The following IRAG1 variants were observed in gnomAD, a reference collection of about 807,000 sequenced individuals.
The protein encoded by IRAG1 is inositol 1,4,5-triphosphate receptor associated 1.
IRAG1 carries 62 observed loss-of-function variants against 106.2 expected under a neutral mutation model. That is an observed-to-expected ratio of 0.58 (90% confidence interval 0.48 to 0.72). The LOEUF is 0.72. IRAG1 is among the 30% of genes least tolerant of loss of function. The pLI is 0.00. For missense variants in IRAG1, 1,064 were observed against 1,140.7 expected, an observed-to-expected ratio of 0.93 and a Z score of 0.97; for synonymous variants, 462 against 443.9, an observed-to-expected ratio of 1.04 and a Z score of -0.51.
At chr11:10,599,310 G>A (rs1199786093) in intron 15 of IRAG1, among the ~76,000 whole-genome samples, 1 of 152,196 alleles carries the variant, frequency 6.6e-6, no homozygotes, top group Admixed American at 6.5e-5. Flanking sequence ...CTCAATAAAT[G>A]TCTGTAGAAT....
At chr11:10,692,761 A>T (rs59433293) in intron 1 of IRAG1, among the ~76,000 whole-genome samples, 72 of 152,334 alleles carry the variant, frequency 4.7e-4, no homozygotes, top group Non-Finnish European at 4.3e-4. Flanking sequence ...CAGAGCCTCT[A>T]TAGCCTTTAC....
chr11:10,672,024 A>G (rs1384257634), intron 1 of IRAG1, among the ~76,000 whole-genome samples: 1 of 152,230 alleles, frequency 6.6e-6, no homozygotes, highest in African/African-American at 2.4e-5. Context: ...AATGCAACAG[A>G]CTTGAGAGTT....
At chr11:10,580,918 C>T (rs1316959970) in intron 19 of IRAG1, among the ~76,000 whole-genome samples, 1 of 152,124 alleles carries the variant, frequency 6.6e-6, no homozygotes, top group Non-Finnish European at 1.5e-5. Flanking sequence ...TCCATGTGAC[C>T]GTGGAGCTTC....
intron 18 of IRAG1, among the ~76,000 whole-genome samples, chr11:10,584,879 A>G (rs1450549547): frequency 6.6e-6 from 1 of 152,086 alleles, no homozygotes; most frequent in Non-Finnish European, 1.5e-5. Context: ...AACAAATTAT[A>G]TCTGCTATTA....
chr11:10,577,119 GATAA>G (rs1178855715), intron 20 of IRAG1, among the ~76,000 whole-genome samples: 1 of 152,156 alleles, frequency 6.6e-6, no homozygotes, highest in Non-Finnish European at 1.5e-5. Flanking sequence ...GATATCCAGT[GATAA>G]ATGACAAGGG....
intron 1 of IRAG1, among the ~76,000 whole-genome samples, chr11:10,666,281 C>T (rs1425149): frequency 0.22 from 33,396 of 152,072 alleles, 5,028 homozygotes; most frequent in East Asian, 0.81. Flanking sequence ...CTGCATGGTA[C>T]GATTATTCCC....
At chr11:10,690,826 G>A (rs549537456) in intron 1 of IRAG1, among the ~76,000 whole-genome samples, 1 of 152,164 alleles carries the variant, frequency 6.6e-6, no homozygotes, top group African/African-American at 2.4e-5. Context: ...CAAAGTAGAA[G>A]CTCAATTAAT....
At chr11:10,612,629 A>C (rs779888979) in intron 10 of IRAG1, among the ~76,000 whole-genome samples, 2 of 152,150 alleles carry the variant, frequency 1.3e-5, no homozygotes, top group Non-Finnish European at 2.9e-5. Flanking sequence ...CATGGCAACT[A>C]TACAAAAATA....
At chr11:10,622,363 A>G (rs914974491) in intron 10 of IRAG1, among the ~76,000 whole-genome samples, 1 of 152,174 alleles carries the variant, frequency 6.6e-6, no homozygotes, top group African/African-American at 2.4e-5. Flanking sequence ...GGAAGAGGGA[A>G]GAGCCAGGAG....
intron 9 of IRAG1, 136 bp from the exon 10 acceptor site, chr11:10,623,992 A>G: frequency 1.3e-6 from 1 of 743,870 alleles, no homozygotes; most frequent in East Asian, 2.7e-5. Context: ...GTGGGCAGGC[A>G]TGGCATGGTG....
intron 1 of IRAG1, among the ~76,000 whole-genome samples, chr11:10,693,132 C>CAG (rs1217412493): frequency 1.3e-5 from 2 of 152,012 alleles, no homozygotes; most frequent in East Asian, 3.9e-4. Context: ...CGTAGGGGGA[C>CAG]AGAGAGAGAG....
chr11:10,628,131 G>T lies in IRAG1; in HGVS notation c.653-106C>A. The T allele has an allele frequency of 7.8e-7, 1 of 1,283,664 alleles. No homozygotes were observed. The highest frequency in any genetic ancestry group is 1.1e-6 in the Non-Finnish European group (1 of 899,844). 79.5% of individuals were successfully genotyped at this position (1,283,664 alleles called of 1,614,324 possible). A position where few individuals can be genotyped will look rare whatever the true frequency, so the allele number is the denominator to read the frequency against. On this transcript the variant is annotated intron_variant, in intron 6 of 20. Transcript: ENST00000423302. This position sits in a 1 kb window ranked among gnomAD's most constrained non-coding sequence, Gnocchi z 4.1. ...GGCTATCCTCCCTTTGCAATCTCAG[G>T]CCTGGAAGATTTGCTGACTACCTCC... is the stretch of plus-strand genomic sequence containing the variant.
chr11:10,669,496 C>G lies in IRAG1; in HGVS notation c.68-17314G>C, dbSNP rs79867401. On this transcript the variant is annotated intron_variant, in intron 1 of 20. Transcript: ENST00000423302. ...CATTCCCTGTCCTCCCCAGCAAATA[C>G]AGCGACTCATTTCTACTGCCTTTTC... 9.2e-3 allele frequency among the ~76,000 whole-genome samples: 1,403 copies of G among 152,332 alleles called. 23 individuals are homozygous for G. Among genetic ancestry groups the G allele is most frequent in the African/African-American group, 0.032 (1,350 of 41,568 alleles).
At chr11:10,619,100 A>G (rs1337211265) in intron 10 of IRAG1, among the ~76,000 whole-genome samples, 1 of 152,188 alleles carries the variant, frequency 6.6e-6, no homozygotes, top group Non-Finnish European at 1.5e-5. Context: ...CACACAGCCT[A>G]AGAACTGGCC....
intron 1 of IRAG1, among the ~76,000 whole-genome samples, chr11:10,675,553 C>T (rs775747397): frequency 2.6e-5 from 4 of 152,148 alleles, no homozygotes; most frequent in Non-Finnish European, 5.9e-5. Context: ...ACCTGAGGAA[C>T]CCTGAGCCTC....
chr11:10,654,058 CA>C, intron 1 of IRAG1, among the ~76,000 whole-genome samples: 1 of 152,272 alleles, frequency 6.6e-6, no homozygotes, highest in East Asian at 1.9e-4. Context: ...AACTGTGTTC[CA>C]GGTCCTCTGG....
intron 1 of IRAG1, chr11:10,690,434 A>C (rs947370680): frequency 7.8e-7 from 1 of 1,279,056 alleles, no homozygotes; most frequent in Non-Finnish European, 1.0e-6. Flanking sequence ...CCCTTGGAGA[A>C]AGCCCTTGCA....
Position 10,665,224 on chromosome 11 carries a change from T to C in IRAG1, c.68-13042A>G, listed in dbSNP as rs1277751914. ...CTAAGTTATTCCCTAACTTAGAATA[T>C]CACCATGCCCTTTTCCTCAGAACCT... is the stretch of plus-strand genomic sequence containing the variant. On this transcript the variant is annotated intron_variant, in intron 1 of 20. Coordinates refer to ENST00000423302, the MANE Select transcript of IRAG1 (RefSeq NM_130385.4). This position sits in a 1 kb window ranked among gnomAD's most constrained non-coding sequence, Gnocchi z 4.2. Among the ~76,000 whole-genome samples the C allele has an allele frequency of 6.6e-6, 1 of 152,164 alleles. No homozygotes were observed. The highest frequency in any genetic ancestry group is 1.5e-5 in the Non-Finnish European group (1 of 68,020).
At position 10,627,704 on chromosome 11, in the gene IRAG1, G is replaced by A; in HGVS notation, c.750+12C>T. The stretch of plus-strand genomic sequence containing the variant: ...ACTCAAATCATCCAAAGGGAGCAAA[G>A]CTCAAACTCACAGGCTCGCCAGGGT... On this transcript the variant is annotated intron_variant, in intron 8 of 20. Transcript: ENST00000423302. The A allele has an allele frequency of 6.2e-7, 1 of 1,613,984 alleles. No individual in the cohort carries two copies. The highest frequency in any genetic ancestry group is 8.5e-7 in the Non-Finnish European group (1 of 1,179,872).
Sources: allele counts gnomAD v4.1 joint callset (sites outside exome capture counted in the v4.1 genomes callset), GRCh38; gene constraint gnomAD v4.1.1; non-coding constraint Gnocchi (gnomAD v3.1); transcripts MANE v1.5; gene names NCBI Gene and HGNC (gene_info 2026-07-23, HGNC 2026-07-21).